Variants in PTPRD observed in about 807,000 individuals in gnomAD.
PTPRD encodes protein tyrosine phosphatase receptor type D, also known as receptor-type tyrosine-protein phosphatase delta.
A neutral mutation model predicts 214.5 loss-of-function variants in PTPRD; 34 were observed. That is an observed-to-expected ratio of 0.16 (90% CI 0.12 to 0.21). The LOEUF (loss-of-function observed/expected upper bound fraction) is 0.21, where lower values mean the gene tolerates loss of function less well. Among genes scored for constraint, PTPRD ranks in the 10% least tolerant of loss-of-function variants. PTPRD has a pLI of 1.00. For synonymous variants in PTPRD, 1,128 were observed against 845.7 expected (o/e 1.33, Z -5.79); for missense variants, 2,545 against 2,398.7 (o/e 1.06, Z -1.27).
chr9:9,959,986 G>A (rs1417851671), intron 4 of PTPRD, among the ~76,000 whole-genome samples: 1 of 152,078 alleles, frequency 6.6e-6, no homozygotes, highest in Non-Finnish European at 1.5e-5. Flanking sequence ...TCTGCCTAGA[G>A]GGCCTAGAAG....
In PTPRD at chr9:9,125,960, G is replaced by A. The variant is rs532029002; in HGVS notation, c.-143+57344C>T. Among the ~76,000 whole-genome samples the A allele has an allele frequency of 2.6e-5, 4 of 152,252 alleles. No homozygotes were observed. The East Asian group carries it at 7.8e-4, about 30-fold the overall frequency. ...AAGGGGTGAATGGTCCAGGCAGAAG[G>A]GACAGTTGTGTTAAGATGAGTAAGA... On this transcript the variant is annotated intron_variant, in intron 10 of 45. Transcript: ENST00000381196.
intron 9 of PTPRD, among the ~76,000 whole-genome samples, chr9:9,327,504 C>T (rs1429264970): frequency 2.6e-5 from 4 of 151,966 alleles, no homozygotes; most frequent in African/African-American, 7.3e-5. Flanking sequence ...GCAAGAAGTA[C>T]ATGAAAATAT....
At chr9:8,456,613 G>A (rs1203407616) in intron 33 of PTPRD, among the ~76,000 whole-genome samples, 1 of 152,124 alleles carries the variant, frequency 6.6e-6, no homozygotes, top group Non-Finnish European at 1.5e-5. Context: ...GCTTGGAACT[G>A]TATGGAGGGT....
intron 11 of PTPRD, among the ~76,000 whole-genome samples, chr9:8,918,815 C>G (rs1337723206): frequency 6.6e-6 from 1 of 152,164 alleles, no homozygotes; most frequent in Non-Finnish European, 1.5e-5. Context: ...CAAACTTTCT[C>G]TAACACAACA....
Position 9,174,728 on chromosome 9 carries a change from G to T in PTPRD, c.-143+8576C>A, listed in dbSNP as rs188921531. 1.9e-3 allele frequency among the ~76,000 whole-genome samples: 282 copies of T among 152,196 alleles called. 1 individual carries two copies. The highest frequency in any genetic ancestry group is 3.6e-3 in the Non-Finnish European group (245 of 68,020). ...AAAAGTGATTGAAAAATGTAATTCT[G>T]CCTAGAAAAATTTAGGATCAGATTT... On this transcript the variant is annotated intron_variant, in intron 10 of 45. Transcript: ENST00000381196.
chr9:9,848,485 G>A (rs12349554), intron 5 of PTPRD, among the ~76,000 whole-genome samples: 20,428 of 151,980 alleles, frequency 0.13, 1,743 homozygotes, highest in Non-Finnish European at 0.19. Context: ...GGCTTATTTC[G>A]TTTAATTCTC....
Position 10,234,214 on chromosome 9 carries a change from T to A in PTPRD, c.-545+106749A>T, listed in dbSNP as rs552863826. ...GAGCTCCATCTCAAAAATTAATTAA[T>A]TAATAAATAATTAATAAAAAATAAA... On this transcript the variant is annotated intron_variant, in intron 3 of 45. Coordinates refer to ENST00000381196, the MANE Select transcript of PTPRD (RefSeq NM_002839.4). 2.6e-5 allele frequency among the ~76,000 whole-genome samples: 4 copies of A among 151,520 alleles called. No homozygotes were observed. The East Asian group carries it at 7.8e-4, about 30-fold the overall frequency.
intron 9 of PTPRD, among the ~76,000 whole-genome samples, chr9:9,250,704 T>C (rs1287257160): frequency 6.6e-6 from 1 of 152,070 alleles, no homozygotes; most frequent in Admixed American, 6.6e-5. Flanking sequence ...TTTGGGACTC[T>C]GCAATTGGGG....
intron 2 of PTPRD, among the ~76,000 whole-genome samples, chr9:10,350,305 G>C (rs189278866): frequency 1.3e-5 from 2 of 152,090 alleles, no homozygotes; most frequent in African/African-American, 4.8e-5. Flanking sequence ...TAAAGACCAA[G>C]TCAATTTATC....
intron 3 of PTPRD, among the ~76,000 whole-genome samples, chr9:10,114,336 G>C (rs1243346135): frequency 6.6e-6 from 1 of 152,060 alleles, no homozygotes; most frequent in African/African-American, 2.4e-5. Flanking sequence ...AACCACTTTC[G>C]GCCAAAGCAG....
chr9:9,536,108 T>A (rs191516636), intron 8 of PTPRD, among the ~76,000 whole-genome samples: 198 of 152,188 alleles, frequency 1.3e-3, no homozygotes, highest in African/African-American at 4.3e-3. Flanking sequence ...TGTTACTGTC[T>A]TCCTAAGACA....
chr9:9,447,129 C>G (rs558912588), intron 8 of PTPRD, among the ~76,000 whole-genome samples: 2 of 152,024 alleles, frequency 1.3e-5, no homozygotes, highest in Non-Finnish European at 2.9e-5. Context: ...GACCAAAAAT[C>G]GGAATTACTA....
chr9:9,825,414 G>C (rs1407126285), intron 5 of PTPRD, among the ~76,000 whole-genome samples: 3 of 150,262 alleles, frequency 2.0e-5, no homozygotes, highest in African/African-American at 2.4e-5. Context: ...GAAAGAGAGA[G>C]AGAAAGAAAA....
intron 11 of PTPRD, among the ~76,000 whole-genome samples, chr9:8,992,193 G>A (rs1191905324): frequency 6.6e-6 from 1 of 152,158 alleles, no homozygotes; most frequent in Admixed American, 6.6e-5. Flanking sequence ...TAGAAGGAAA[G>A]AAATATTCTA....
At chr9:10,364,272 A>C (rs1397051573) in intron 2 of PTPRD, among the ~76,000 whole-genome samples, 1 of 152,004 alleles carries the variant, frequency 6.6e-6, no homozygotes, top group Non-Finnish European at 1.5e-5. Flanking sequence ...AAGTGCTGGG[A>C]TTACAGGCAT....
rs549253569 is a variant in PTPRD at position 9,560,922 on chromosome 9, G to C, written c.-237+13810C>G. On this transcript the variant is annotated intron_variant, in intron 8 of 45. Coordinates refer to ENST00000381196, the MANE Select transcript of PTPRD (RefSeq NM_002839.4). Reference sequence around the variant, plus strand: ...CTTAACTCTTTCTCTTTCTGGGCACGAGCAAGCCGAGCTGTGTCCTGGCTC... The same window carrying C: ...CTTAACTCTTTCTCTTTCTGGGCACCAGCAAGCCGAGCTGTGTCCTGGCTC... Among the ~76,000 whole-genome samples the C allele has an allele frequency of 1.9e-4, 29 of 152,102 alleles. No individual in the cohort carries two copies. The East Asian group carries it at 5.6e-3, about 29-fold the overall frequency.
intron 2 of PTPRD, among the ~76,000 whole-genome samples, chr9:10,515,452 A>C (rs1417146923): frequency 1.3e-5 from 2 of 152,066 alleles, no homozygotes; most frequent in Non-Finnish European, 2.9e-5. Context: ...CTTGAAGAAC[A>C]AGAAAAAGTA....
chr9:8,892,515 ATATATATATGTGTGTG>A (rs1566864415), intron 11 of PTPRD, among the ~76,000 whole-genome samples: 2 of 146,164 alleles, frequency 1.4e-5, no homozygotes, highest in African/African-American at 2.7e-5. Context: ...AAAGTTGAAT[ATATATATATGTGTGTG>A]TATATATATG....
At chr9:9,433,994 A>T (rs1015244566) in intron 8 of PTPRD, among the ~76,000 whole-genome samples, 2 of 152,200 alleles carry the variant, frequency 1.3e-5, no homozygotes, top group Non-Finnish European at 2.9e-5. Context: ...TCATTAAAAT[A>T]ATTTGCCTAG....
Sources: allele counts gnomAD v4.1 joint callset (sites outside exome capture counted in the v4.1 genomes callset), GRCh38; gene constraint gnomAD v4.1.1; transcripts MANE v1.5; gene names NCBI Gene and HGNC (gene_info 2026-07-23, HGNC 2026-07-21).